SLC22A12: variants seen among roughly 807,000 people sequenced by gnomAD.
SLC22A12 encodes solute carrier family 22 member 12.
SLC22A12 carries 56 observed loss-of-function variants against 52.7 expected under a neutral mutation model. That is an observed-to-expected ratio of 1.06 (90% CI 0.86 to 1.33). The LOEUF is 1.33. Among genes scored for constraint, SLC22A12 ranks in the 40% most tolerant of loss-of-function variants. The probability of loss-of-function intolerance (pLI) is 0.00; values close to 1 mark genes in which losing one functional copy is unlikely to be tolerated. For missense variants in SLC22A12, 683 were observed against 741.5 expected, an observed-to-expected ratio of 0.92 and a Z score of 0.92; for synonymous variants, 337 against 324.6, an observed-to-expected ratio of 1.04 and a Z score of -0.41.
chr11:64,592,747 C>A (rs754314815), intron 1 of SLC22A12, 32 bp from the exon 2 acceptor site: 1 of 1,583,024 alleles, frequency 6.3e-7, no homozygotes, highest in Non-Finnish European at 8.7e-7. Flanking sequence ...CTCTCCCAAC[C>A]TCCTGAGCTC....
Position 64,601,576 on chromosome 11 carries a change from C to A in SLC22A12, c.*25C>A, listed in dbSNP as rs373528077. 3.1e-6 allele frequency: 5 copies of A among 1,612,116 alleles called. No individual in the cohort carries two copies. In the East Asian group the frequency reaches 6.7e-5, roughly 22 times the overall value. On this transcript the variant is annotated 3_prime_UTR_variant, in exon 10 of 10. Coordinates refer to ENST00000377574, the MANE Select transcript of SLC22A12 (RefSeq NM_144585.4). ...GCCTCCTGGGGAACCTGCGATGGGA[C>A]GGTCAGAGGAAGAGACTTCTTCTGT...
Position 64,591,821 on chromosome 11 carries a change from C to A in SLC22A12, c.265C>A (p.Arg89Ser), listed in dbSNP as rs1365140663. 1.9e-6 allele frequency: 3 copies of A among 1,611,992 alleles called. No individual in the cohort carries two copies. The highest frequency in any genetic ancestry group is 2.2e-5 in the South Asian group (2 of 91,072). The change falls in exon 1 of 10, where the codon CGC becomes AGC. Residue 89 changes from arginine to serine, a missense_variant. Coordinates refer to ENST00000377574, the MANE Select transcript of SLC22A12 (RefSeq NM_144585.4). ...PGPNQRPHQCRRFRQPQWQLL... is the reference protein window; with the variant it reads ...PGPNQRPHQCSRFRQPQWQLL... Reference sequence around the variant, plus strand: ...CCCCAACCAGAGGCCCCACCAGTGCCGCCGCTTCCGCCAGCCACAGTGGCA... The same window carrying A: ...CCCCAACCAGAGGCCCCACCAGTGCAGCCGCTTCCGCCAGCCACAGTGGCA...
chr11:64,595,310 G>A (rs2039115199), intron 4 of SLC22A12, among the ~76,000 whole-genome samples: 1 of 123,398 alleles, frequency 8.1e-6, no homozygotes, highest in Non-Finnish European at 1.7e-5. Context: ...TGGATGGATG[G>A]ATGGATGGAT....
intron 4 of SLC22A12, among the ~76,000 whole-genome samples, chr11:64,598,180 CG>C (rs2135463733): frequency 6.6e-6 from 1 of 152,136 alleles, no homozygotes; most frequent in East Asian, 1.9e-4. Context: ...GCAACCAGGC[CG>C]GGTTCCTAGC....
At chr11:64,595,294 G>A (rs779015813) in intron 4 of SLC22A12, among the ~76,000 whole-genome samples, 3 of 14,630 alleles carry the variant, frequency 2.1e-4, no homozygotes, top group African/African-American at 2.5e-4. Flanking sequence ...TGGATGGTTG[G>A]ATGGATGGAT....
rs370769782 is a variant in SLC22A12, at chr11:64,601,683, C to A, written c.*132C>A. The A allele has an allele frequency of 1.4e-4, 139 of 989,966 alleles. No homozygotes were observed. The Middle Eastern group carries it at 2.9e-3, about 21-fold the overall frequency. The allele number at this position is 989,966 out of a possible 1,614,324, so 61.3% of individuals were successfully genotyped here. A position where few individuals can be genotyped will look rare whatever the true frequency, so the allele number is the denominator to read the frequency against. ...GCCCTCTGAGGTCCCCACTCTCCCC[C>A]AGGGCTGCCCCTCCAGGTGAGCCCT... On this transcript the variant is annotated 3_prime_UTR_variant, in exon 10 of 10. Coordinates refer to ENST00000377574, the MANE Select transcript of SLC22A12 (RefSeq NM_144585.4).
intron 7 of SLC22A12, 49 bp downstream of exon 7, chr11:64,599,939 C>T: frequency 6.3e-7 from 1 of 1,577,972 alleles, no homozygotes; most frequent in South Asian, 1.1e-5. Flanking sequence ...TTGGGGGGGT[C>T]TCGGGCTGGG....
At chr11:64,600,998 C>A (rs1329775737) in intron 9 of SLC22A12, 60 bp downstream of exon 9, 1 of 1,586,134 alleles carries the variant, frequency 6.3e-7, no homozygotes, top group Non-Finnish European at 8.6e-7. Context: ...TAGCACAGGG[C>A]AGCCTGCTCA....
chr11:64,601,009 C>A, intron 9 of SLC22A12, 71 bp downstream of exon 9: 2 of 1,563,596 alleles, frequency 1.3e-6, no homozygotes, highest in Non-Finnish European at 8.7e-7. Flanking sequence ...AGCCTGCTCA[C>A]CCATCCCCAT....
rs2039387541 is a variant in SLC22A12 at position 64,599,713 on chromosome 11, G to A, written c.1108G>A (p.Asp370Asn). 1 of 1,611,056 alleles carries A rather than the reference G, an allele frequency of 6.2e-7. No homozygotes were observed. Among genetic ancestry groups the A allele is most frequent in the Non-Finnish European group, 8.5e-7 (1 of 1,179,452 alleles). The change falls in exon 7 of 10, where the codon GAC (aspartate) becomes AAC (asparagine). Residue 370 changes from aspartate to asparagine, a missense_variant. Coordinates refer to ENST00000377574, the MANE Select transcript of SLC22A12 (RefSeq NM_144585.4). ...CTTCACCTTCTTCGGCCTGGCCCTG[G>A]ACCTGCAGGCCCTGGGCAGCAACAT... ...FGFTFFGLAL[D>N]LQALGSNIFL...
At chr11:64,597,286 C>T (rs536025562) in intron 4 of SLC22A12, among the ~76,000 whole-genome samples, 18 of 152,206 alleles carry the variant, frequency 1.2e-4, no homozygotes, top group African/African-American at 4.1e-4. Flanking sequence ...GGCAGCCTCA[C>T]CCCTGCCTGC....
At chr11:64,595,586 A>T in intron 4 of SLC22A12, among the ~76,000 whole-genome samples, 5 of 118,074 alleles carry the variant, frequency 4.2e-5, no homozygotes, top group African/African-American at 1.6e-4. Flanking sequence ...GATGGAATGG[A>T]AGGAGGGATG....
intron 4 of SLC22A12, among the ~76,000 whole-genome samples, 161 bp from the exon 5 acceptor site, chr11:64,598,355 G>A (rs1038441520): frequency 6.6e-6 from 1 of 152,138 alleles, no homozygotes; most frequent in African/African-American, 2.4e-5. Context: ...GGGGAAGGAG[G>A]GTGCCCAAGA....
chr11:64,595,967 GAATGGATGGATGGTTGGAATAGATGGA>G (rs1565137274), intron 4 of SLC22A12, among the ~76,000 whole-genome samples: 5 of 132,366 alleles, frequency 3.8e-5, no homozygotes, highest in South Asian at 2.7e-4. Context: ...TGGATGGATG[GAATGGATGGATGGTTGGAATAGATGGA>G]ATGGATGGAT....
At chr11:64,594,927 T>TG (rs2039056980) in intron 4 of SLC22A12, among the ~76,000 whole-genome samples, 2 of 96,086 alleles carry the variant, frequency 2.1e-5, no homozygotes, top group African/African-American at 4.7e-5. Context: ...GATGGATTGT[T>TG]GAATGGATGG....
intron 2 of SLC22A12, 94 bp from the exon 3 acceptor site, chr11:64,593,311 G>A (rs542215342): frequency 1.8e-5 from 29 of 1,587,098 alleles, no homozygotes; most frequent in East Asian, 2.2e-5. Context: ...TCAGCTCAGC[G>A]GGCAAGCATA....
intron 6 of SLC22A12, 89 bp downstream of exon 6, chr11:64,599,012 G>A (rs778154635): frequency 9.8e-6 from 15 of 1,531,898 alleles, no homozygotes; most frequent in South Asian, 4.7e-5. Flanking sequence ...TGCTGGCTCC[G>A]CTTGGTCCCA....
rs780301051 is a variant in SLC22A12, at chr11:64,591,543, C to T, written c.-14C>T. 47 of 1,610,184 alleles carry T rather than the reference C, an allele frequency of 2.9e-5. No individual in the cohort carries two copies. The highest frequency in any genetic ancestry group is 3.9e-5 in the Non-Finnish European group (46 of 1,180,020). On this transcript the variant is annotated 5_prime_UTR_variant, in exon 1 of 10. Transcript: ENST00000377574. Reference sequence around the variant, plus strand: ...TGAAGTGGGCCCCTCTTCTGGGCCCCTTGAGTAGGTTCCATGGCATTTTCT... The same window carrying T: ...TGAAGTGGGCCCCTCTTCTGGGCCCTTTGAGTAGGTTCCATGGCATTTTCT...
Position 64,591,571 on chromosome 11 carries a change from A to G in SLC22A12, c.15A>G (p.Glu5=). MAFS[E]LLDLVGGLGR... is the part of the protein sequence containing the mutation. ...GAGTAGGTTCCATGGCATTTTCTGAACTCCTGGACCTCGTGGGTGGCCTGG... is the reference window on the plus strand; with the variant it reads ...GAGTAGGTTCCATGGCATTTTCTGAGCTCCTGGACCTCGTGGGTGGCCTGG... Residue 5 remains glutamate, a synonymous_variant, in exon 1 of 10, where the codon GAA becomes GAG. Coordinates refer to ENST00000377574, the MANE Select transcript of SLC22A12 (RefSeq NM_144585.4). 1.9e-6 allele frequency: 3 copies of G among 1,611,810 alleles called. No individual in the cohort carries two copies. Among genetic ancestry groups the G allele is most frequent in the Non-Finnish European group, 2.5e-6 (3 of 1,179,840 alleles).
Sources: gnomAD v4.1 joint callset for allele counts (sites outside exome capture counted in the v4.1 genomes callset) on GRCh38, gnomAD v4.1.1 for gene constraint, MANE v1.5 for transcripts, NCBI Gene and HGNC (gene_info 2026-07-23, HGNC 2026-07-21) for gene names.